Variants in ARHGEF17 observed in about 807,000 individuals in gnomAD.
The protein encoded by ARHGEF17 is 164 kDa Rho-specific guanine-nucleotide exchange factor.
In ARHGEF17, 80 loss-of-function variants were observed where a neutral mutation model predicts 174.0. The observed-to-expected ratio is 0.46, with a 90% CI of 0.38 to 0.55. The LOEUF (loss-of-function observed/expected upper bound fraction) is 0.55. Among genes scored for constraint, ARHGEF17 ranks in the 20% least tolerant of loss-of-function variants. The pLI is 0.00. For missense variants in ARHGEF17, 2,886 were observed against 2,839.7 expected, an observed-to-expected ratio of 1.02 and a Z score of -0.37; for synonymous variants, 1,311 against 1,189.1, an observed-to-expected ratio of 1.10 and a Z score of -2.11.
chr11:73,311,061 G>C lies in ARHGEF17; in HGVS notation c.2423G>C (p.Gly808Ala). The change falls in exon 1 of 21, where the codon GGC (glycine) becomes GCC (alanine). Residue 808 changes from glycine to alanine, a missense_variant. By Grantham distance (60) the Gly-to-Ala change is moderately conservative. Coordinates refer to ENST00000263674, the MANE Select transcript of ARHGEF17 (RefSeq NM_014786.4). ...EVIQSIVQGP[G>A]TLGRVVDDRI... is the part of the protein sequence containing the mutation. ...ATTCAGAGCATAGTTCAGGGGCCTG[G>C]CACCCTGGGGCGTGTGGTGGACGAC... is the stretch of plus-strand genomic sequence containing the variant. The C allele has an allele frequency of 3.1e-6, 5 of 1,610,346 alleles. No individual in the cohort carries two copies. Among genetic ancestry groups the C allele is most frequent in the Non-Finnish European group, 4.2e-6 (5 of 1,176,518 alleles).
At chr11:73,315,645 C>G (rs1361117532) in intron 1 of ARHGEF17, among the ~76,000 whole-genome samples, 1 of 152,114 alleles carries the variant, frequency 6.6e-6, no homozygotes, top group Non-Finnish European at 1.5e-5. Context: ...TGTCACCCAG[C>G]AGGAGGGGGT....
At position 73,310,124 on chromosome 11, in the gene ARHGEF17, G is replaced by A. The variant is rs1418915890; in HGVS notation, c.1486G>A (p.Asp496Asn). Reference sequence around the variant, plus strand: ...CCGAAAACCTGGTGGGAGCTCCGGGGACCGTGGAAGCAACCCCCTAGATGG... The same window carrying A: ...CCGAAAACCTGGTGGGAGCTCCGGGAACCGTGGAAGCAACCCCCTAGATGG... ...RVRKPGGSSG[D>N]RGSNPLDGRD... The change falls in exon 1 of 21, where the codon GAC becomes AAC. Residue 496 changes from aspartate to asparagine, a missense_variant. Physicochemically the swap from Asp to Asn is conservative, Grantham distance 23 (BLOSUM62 1). This residue lies in a region of ARHGEF17 where 1,728 missense variants were observed against 1,461.2 expected (regional missense o/e 1.18). Transcript: ENST00000263674. 2 of 1,613,960 alleles carry A rather than the reference G, an allele frequency of 1.2e-6. No homozygotes were observed. The highest frequency in any genetic ancestry group is 2.2e-5 in the East Asian group (1 of 44,900).
chr11:73,337,226 G>A (rs1010509298), intron 1 of ARHGEF17, among the ~76,000 whole-genome samples: 1 of 152,088 alleles, frequency 6.6e-6, no homozygotes, highest in African/African-American at 2.4e-5. Flanking sequence ...AGGAGTTCAA[G>A]ACTAGGCTTA....
intron 1 of ARHGEF17, among the ~76,000 whole-genome samples, chr11:73,328,515 G>A (rs749156314): frequency 3.3e-5 from 5 of 152,176 alleles, no homozygotes; most frequent in Non-Finnish European, 4.4e-5. Context: ...CCCTGAGGTC[G>A]CTCTACCCAA....
At chr11:73,344,425 C>T (rs1330680846) in intron 1 of ARHGEF17, among the ~76,000 whole-genome samples, 1 of 152,220 alleles carries the variant, frequency 6.6e-6, no homozygotes, top group African/African-American at 2.4e-5. Flanking sequence ...CGTCAGCCTC[C>T]CCGTGTCACC....
chr11:73,355,463 G>C, intron 3 of ARHGEF17, 70 bp from the exon 4 acceptor site: 2 of 1,007,014 alleles, frequency 2.0e-6, no homozygotes, highest in Non-Finnish European at 3.1e-6. Context: ...ATGAATCAGT[G>C]AAAACTAGGA....
intron 1 of ARHGEF17, among the ~76,000 whole-genome samples, chr11:73,341,606 C>T (rs1865370161): frequency 1.3e-5 from 2 of 152,220 alleles, no homozygotes; most frequent in African/African-American, 4.8e-5. Flanking sequence ...GCTACCGCGC[C>T]CGCCCGAAAC....
chr11:73,323,140 AG>A (rs1035454585), intron 1 of ARHGEF17, among the ~76,000 whole-genome samples: 1 of 152,016 alleles, frequency 6.6e-6, no homozygotes, highest in Non-Finnish European at 1.5e-5. Flanking sequence ...CCTGCCTCTC[AG>A]GGGGGTCCCT....
chr11:73,343,652 A>G (rs931140501), intron 1 of ARHGEF17, among the ~76,000 whole-genome samples: 2 of 152,086 alleles, frequency 1.3e-5, no homozygotes, highest in Non-Finnish European at 2.9e-5. Context: ...CCCCACTGCC[A>G]TCCTCTCCCT....
chr11:73,318,201 G>A (rs11827650), intron 1 of ARHGEF17, among the ~76,000 whole-genome samples: 80 of 151,960 alleles, frequency 5.3e-4, no homozygotes, highest in East Asian at 2.7e-3. Context: ...GGGTCTACCC[G>A]CTACGTGCTT....
chr11:73,359,977 G>A, intron 10 of ARHGEF17, 25 bp downstream of exon 10: 1 of 1,566,982 alleles, frequency 6.4e-7, no homozygotes, highest in East Asian at 2.2e-5. Flanking sequence ...CCTGACACTG[G>A]GGAGCCAGAG....
At chr11:73,338,644 A>G (rs1865322641) in intron 1 of ARHGEF17, among the ~76,000 whole-genome samples, 1 of 151,958 alleles carries the variant, frequency 6.6e-6, no homozygotes, top group Admixed American at 6.6e-5. Flanking sequence ...ACTGTCTTGG[A>G]ACAAAGGAGG....
rs1243610600 is a variant in ARHGEF17 at position 73,310,403 on chromosome 11, G to A, written c.1765G>A (p.Asp589Asn). 6.2e-7 allele frequency: 1 copy of A among 1,613,968 alleles called. No homozygotes were observed. Residue 589 changes from aspartate (D) to asparagine (N), a missense_variant, in exon 1 of 21, where the codon GAC (aspartate) becomes AAC (asparagine). This residue lies in a region of ARHGEF17 where 1,728 missense variants were observed against 1,461.2 expected (regional missense o/e 1.18). Coordinates refer to ENST00000263674, the MANE Select transcript of ARHGEF17 (RefSeq NM_014786.4). ...EEDPLPLIVQ[D>N]QYVQEARQVF... is the part of the protein sequence containing the mutation. ...GGATCCGCTGCCCCTCATCGTCCAG[G>A]ACCAATATGTGCAGGAGGCCCGCCA...
intron 1 of ARHGEF17, 42 bp from the exon 2 acceptor site, chr11:73,346,841 G>T: frequency 7.1e-7 from 1 of 1,407,102 alleles, no homozygotes; most frequent in African/African-American, 1.5e-5. Flanking sequence ...GGGGTCTGGG[G>T]GGAAAAAGAC....
chr11:73,321,492 G>A (rs1271865895), intron 1 of ARHGEF17, among the ~76,000 whole-genome samples: 5 of 152,208 alleles, frequency 3.3e-5, no homozygotes, highest in East Asian at 1.9e-4. Context: ...ACCCCTTGCC[G>A]GGTGATATTA....
intron 1 of ARHGEF17, among the ~76,000 whole-genome samples, chr11:73,335,714 T>C (rs1565196301): frequency 6.6e-6 from 1 of 152,174 alleles, no homozygotes; most frequent in African/African-American, 2.4e-5. Context: ...TCCTGAAGCC[T>C]GAAATCAGGA....
intron 1 of ARHGEF17, among the ~76,000 whole-genome samples, chr11:73,346,377 G>T (rs1219495617): frequency 2.0e-5 from 3 of 152,148 alleles, no homozygotes; most frequent in East Asian, 3.9e-4. Flanking sequence ...TCCCCTCTCT[G>T]GTCCACAGTG....
At position 73,365,884 on chromosome 11, in the gene ARHGEF17, G is replaced by A. The variant is rs769248495; in HGVS notation, c.5932G>A (p.Ala1978Thr). The A allele has an allele frequency of 7.5e-6, 12 of 1,610,512 alleles. No homozygotes were observed. Among genetic ancestry groups the A allele is most frequent in the Non-Finnish European group, 9.3e-6 (11 of 1,180,016 alleles). ...GHTGHVRFLA[A>T]VQLPDGFNLL... ...CACCGGCCACGTCCGCTTCTTGGCT[G>A]CAGTCCAGCTGCCAGATGGCTTCAA... is the stretch of plus-strand genomic sequence containing the variant. The change falls in exon 20 of 21, where the codon GCA becomes ACA. Residue 1978 changes from alanine (A) to threonine (T), a missense_variant. By Grantham distance (58) the Ala-to-Thr change is moderately conservative (BLOSUM62 0). This residue lies in a region of ARHGEF17 where 329 missense variants were observed against 435.2 expected (regional missense o/e 0.76). Coordinates refer to ENST00000263674, the MANE Select transcript of ARHGEF17 (RefSeq NM_014786.4). This position sits in a 1 kb window ranked among gnomAD's most constrained non-coding sequence, Gnocchi z 4.9.
Position 73,367,758 on chromosome 11 carries a change from ACCT to A in ARHGEF17, c.6177_6179del (p.Leu2060del). ...GTGGGTCGAGACGACAGCACAAACC[ACCT>A]CCTCCTGTGGAGGGTGTGACCCTGT... On this transcript the variant is annotated inframe_deletion, in exon 21 of 21. Transcript: ENST00000263674. 1 of 1,612,564 alleles carries A rather than the reference ACCT, an allele frequency of 6.2e-7. No homozygotes were observed. Among genetic ancestry groups the A allele is most frequent in the Non-Finnish European group, 8.5e-7 (1 of 1,179,248 alleles).
Sources: gnomAD v4.1 joint callset for allele counts (sites outside exome capture counted in the v4.1 genomes callset) on GRCh38, gnomAD v4.1.1 for gene constraint, gnomAD v4.1.1 regional missense constraint, Gnocchi (gnomAD v3.1) non-coding constraint, MANE v1.5 for transcripts, NCBI Gene and HGNC (gene_info 2026-07-23, HGNC 2026-07-21) for gene names.